Variants in CFAP20DC observed in about 807,000 individuals in gnomAD.
CFAP20DC encodes protein CFAP20DC.
In CFAP20DC, 84 loss-of-function variants were observed where a neutral mutation model predicts 101.7. The ratio of observed to expected loss-of-function variants is 0.83; its 90% CI spans 0.69 to 0.99. The LOEUF is 0.99. CFAP20DC is among the 50% of genes least tolerant of loss of function. CFAP20DC has a pLI of 0.00. For missense variants in CFAP20DC, 1,007 were observed against 970.3 expected, an observed-to-expected ratio of 1.04 and a Z score of -0.50; for synonymous variants, 359 against 351.2, an observed-to-expected ratio of 1.02 and a Z score of -0.25.
chr3:58,730,935 A>G (rs1248978950), intron 3 of CFAP20DC, among the ~76,000 whole-genome samples: 1 of 152,126 alleles, frequency 6.6e-6, no homozygotes, highest in Non-Finnish European at 1.5e-5. Context: ...TGGAGAAAAC[A>G]CGGATGCCTC....
Position 58,971,612 on chromosome 3 carries a change from C to T in CFAP20DC, c.279-33850G>A, listed in dbSNP as rs1019136750. The stretch of plus-strand genomic sequence containing the variant: ...ATACACACATGGATATTCATGGTAA[C>T]ACTAATAGCAAAACAGAGGGAAAAC... On this transcript the variant is annotated intron_variant, in intron 4 of 16. Coordinates refer to ENST00000482387, the MANE Select transcript of CFAP20DC (RefSeq NM_001394063.1). This position sits in a 1 kb window ranked among gnomAD's most constrained non-coding sequence, Gnocchi z 4.1. 6.6e-6 allele frequency among the ~76,000 whole-genome samples: 1 copy of T among 152,026 alleles called. No homozygotes were observed. The highest frequency in any genetic ancestry group is 2.4e-5 in the African/African-American group (1 of 41,382).
In CFAP20DC at chr3:58,931,061, C is replaced by T. The variant is rs138908851; in HGVS notation, c.393+6587G>A. Among the ~76,000 whole-genome samples the T allele has an allele frequency of 4.5e-3, 685 of 152,236 alleles. 5 individuals are homozygous for T. Among genetic ancestry groups the T allele is most frequent in the African/African-American group, 0.016 (670 of 41,552 alleles). ...TGGCACCTGGAAAATTGGGTCACTC[C>T]CACCCGAATACTGCGCTTTTCCGAT... On this transcript the variant is annotated intron_variant, in intron 5 of 16. Transcript: ENST00000482387.
At chr3:58,965,814 T>C (rs894211362) in intron 4 of CFAP20DC, among the ~76,000 whole-genome samples, 2 of 152,200 alleles carry the variant, frequency 1.3e-5, no homozygotes, top group African/African-American at 2.4e-5. Flanking sequence ...CATAAGATAC[T>C]GTAACAAGCT....
intron 12 of CFAP20DC, 109 bp from the exon 13 acceptor site, chr3:58,849,518 C>A: frequency 1.2e-6 from 1 of 815,116 alleles, no homozygotes; most frequent in Non-Finnish European, 1.8e-6. Flanking sequence ...AAAGCAAAAG[C>A]ATCTATATAT....
chr3:58,947,212 A>G (rs1296601704), intron 4 of CFAP20DC, among the ~76,000 whole-genome samples: 2 of 152,206 alleles, frequency 1.3e-5, no homozygotes, highest in Non-Finnish European at 2.9e-5. Flanking sequence ...ACTTTACTTT[A>G]CTAAAGGGCA....
intron 14 of CFAP20DC, among the ~76,000 whole-genome samples, chr3:58,816,040 G>A (rs1286020315): frequency 2.0e-5 from 3 of 151,758 alleles, no homozygotes; most frequent in Non-Finnish European, 4.4e-5. Context: ...AAATCATGCT[G>A]CTATAAAGAC....
In CFAP20DC at chr3:58,988,363, C is replaced by T. The variant is rs930606278; in HGVS notation, c.279-50601G>A. ...CGGGTTATACCAAAGTAATAAATAA[C>T]TCCCAAATTTCGGAAACTTAACATG... is the stretch of plus-strand genomic sequence containing the variant. On this transcript the variant is annotated intron_variant, in intron 4 of 16. Transcript: ENST00000482387. Among the ~76,000 whole-genome samples, 14 of 152,276 alleles carry T rather than the reference C, an allele frequency of 9.2e-5. No homozygotes were observed. In the South Asian group the frequency reaches 1.0e-3, roughly 11 times the overall value.
chr3:58,804,185 A>G (rs147702003), intron 15 of CFAP20DC, among the ~76,000 whole-genome samples: 204 of 152,264 alleles, frequency 1.3e-3, no homozygotes, highest in African/African-American at 4.4e-3. Context: ...TCTTTTACAC[A>G]TGAGGGTATT....
chr3:58,981,174 G>C (rs2092524696), intron 4 of CFAP20DC, among the ~76,000 whole-genome samples: 1 of 152,156 alleles, frequency 6.6e-6, no homozygotes. Flanking sequence ...TCTTTAAGGA[G>C]AACTACAAAC....
intron 3 of CFAP20DC, among the ~76,000 whole-genome samples, chr3:58,719,845 G>C (rs2067446269): frequency 6.6e-6 from 1 of 152,228 alleles, no homozygotes; most frequent in Non-Finnish European, 1.5e-5. Flanking sequence ...CCACATTCCA[G>C]TAGACAGACC....
At chr3:58,949,579 T>G (rs541456031) in intron 4 of CFAP20DC, among the ~76,000 whole-genome samples, 2 of 152,310 alleles carry the variant, frequency 1.3e-5, no homozygotes, top group South Asian at 2.1e-4. Context: ...TCAGTTTCCA[T>G]GTAGTTGAGG....
chr3:58,919,410 A>G (rs1162927182), intron 5 of CFAP20DC, among the ~76,000 whole-genome samples: 2 of 152,178 alleles, frequency 1.3e-5, no homozygotes, highest in African/African-American at 4.8e-5. Flanking sequence ...CAGTGTCTTA[A>G]TTACTTATGC....
At chr3:58,941,327 CAAAAAAA>C (rs752324535) in intron 4 of CFAP20DC, among the ~76,000 whole-genome samples, 17 of 19,532 alleles carry the variant, frequency 8.7e-4, no homozygotes, top group Admixed American at 2.4e-3. Context: ...GACTCCGTCT[CAAAAAAA>C]AAAAAAAAAA....
intron 4 of CFAP20DC, among the ~76,000 whole-genome samples, chr3:58,955,698 T>TG (rs1335105482): frequency 6.6e-5 from 10 of 151,928 alleles, no homozygotes; most frequent in Non-Finnish European, 1.5e-4. Flanking sequence ...GGCAGTGAAC[T>TG]GGGGGGGCAT....
chr3:58,737,030 T>C (rs953810890), downstream of CFAP20DC: 3 of 317,654 alleles, frequency 9.4e-6, no homozygotes, highest in Non-Finnish European at 1.9e-5. This position sits in a 1 kb window ranked among gnomAD's most constrained non-coding sequence, Gnocchi z 4.1. Context: ...CATTTAGATT[T>C]ATCCTTTGTT....
chr3:58,735,420 A>G lies in CFAP20DC; in HGVS notation c.198-17792T>C, dbSNP rs560351833. On this transcript the variant is annotated intron_variant, in intron 3 of 3. Transcript: ENST00000486145. ...TCAGAACATTATTGGATTGCCCACA[A>G]ATGAAATCCATCAAGTGATGGTTAG... Among the ~76,000 whole-genome samples, 8 of 152,348 alleles carry G rather than the reference A, an allele frequency of 5.3e-5. No individual in the cohort carries two copies. In the South Asian group the frequency reaches 1.7e-3, roughly 32 times the overall value.
intron 14 of CFAP20DC, among the ~76,000 whole-genome samples, chr3:58,811,922 G>T (rs534084758): frequency 2.0e-5 from 3 of 152,202 alleles, no homozygotes; most frequent in Non-Finnish European, 2.9e-5. Flanking sequence ...TCTCAAAAGA[G>T]ACATTTATGC....
intron 12 of CFAP20DC, among the ~76,000 whole-genome samples, chr3:58,853,991 G>T (rs902819217): frequency 5.9e-5 from 9 of 151,720 alleles, no homozygotes; most frequent in African/African-American, 1.9e-4. Context: ...CCAGGGCAAT[G>T]AGGCAGGAGA....
intron 4 of CFAP20DC, among the ~76,000 whole-genome samples, chr3:59,038,404 T>G (rs757866050): frequency 3.5e-4 from 53 of 151,848 alleles, no homozygotes; most frequent in Non-Finnish European, 6.5e-4. Context: ...TCCAAAAGAG[T>G]GATGCAGAAC....
Sources: allele counts gnomAD v4.1 joint callset (sites outside exome capture counted in the v4.1 genomes callset), GRCh38; gene constraint gnomAD v4.1.1; non-coding constraint Gnocchi (gnomAD v3.1); transcripts MANE v1.5; gene names NCBI Gene and HGNC (gene_info 2026-07-23, HGNC 2026-07-21).